The following SND1 variants were observed in gnomAD, a reference collection of about 807,000 sequenced individuals.
SND1 encodes the protein staphylococcal nuclease domain-containing protein 1.
SND1 carries 38 observed loss-of-function variants against 121.7 expected under a neutral mutation model. The observed-to-expected ratio is 0.31, with a 90% CI of 0.24 to 0.41. SND1 has a LOEUF of 0.41. SND1 is among the 10% of genes least tolerant of loss of function. The pLI, the probability that SND1 is intolerant of heterozygous loss-of-function variation, is 1.00. For missense variants in SND1, 868 were observed against 1,184.6 expected (o/e 0.73, Z 3.92); for synonymous variants, 401 against 447.4 (o/e 0.90, Z 1.31).
In SND1 at chr7:128,044,188, C is replaced by T. The variant is rs2117011035; in HGVS notation, c.1780-30314C>T. 1.3e-5 allele frequency among the ~76,000 whole-genome samples: 2 copies of T among 152,332 alleles called. 1 individual carries two copies. Among genetic ancestry groups the T allele is most frequent in the South Asian group, 4.1e-4 (2 of 4,828 alleles). On this transcript the variant is annotated intron_variant, in intron 16 of 23. Transcript: ENST00000354725. ...CGAGAGTTTTCTCCAGACCCACCTC[C>T]TATCTAAAGTGTCCTGTCGCCACAC...
chr7:127,857,183 CTTTTTTTTTTT>C (rs71522259), intron 12 of SND1, among the ~76,000 whole-genome samples: 12 of 67,944 alleles, frequency 1.8e-4, no homozygotes, highest in Admixed American at 3.9e-4. Context: ...AATGTCAACA[CTTTTTTTTTTT>C]TTTTTTTTTT....
chr7:128,081,468 G>A lies in SND1; in HGVS notation c.2077G>A (p.Asp693Asn). ...KPVFVTEITD[D>N]LHFYVQDVET... ...CGTGTTTGTGACTGAGATCACTGAT[G>A]ACCTGCACTTCTACGTGCAGGATGT... Residue 693 changes from aspartate to asparagine, a missense_variant, in exon 18 of 24, where the codon GAC (aspartate) becomes AAC (asparagine). Around this residue, in one of 2 missense-constraint regions of SND1, gnomAD observed 743 missense variants for 1,071.3 expected, o/e 0.69. Coordinates refer to ENST00000354725, the MANE Select transcript of SND1 (RefSeq NM_014390.4). 6.2e-7 allele frequency: 1 copy of A among 1,614,152 alleles called. No individual in the cohort carries two copies. The highest frequency in any genetic ancestry group is 8.5e-7 in the Non-Finnish European group (1 of 1,180,022).
intron 15 of SND1, among the ~76,000 whole-genome samples, chr7:127,964,314 C>T (rs1461229380): frequency 6.1e-5 from 9 of 147,438 alleles, no homozygotes; most frequent in Non-Finnish European, 1.2e-4. Context: ...GTGTTTTGGA[C>T]ATGAAGTCCT....
intron 10 of SND1, among the ~76,000 whole-genome samples, chr7:127,748,881 G>T (rs1797027099): frequency 6.6e-6 from 1 of 152,000 alleles, no homozygotes; most frequent in Non-Finnish European, 1.5e-5. Flanking sequence ...TCCAAACCTT[G>T]AGTATAGACT....
chr7:128,043,887 C>T (rs1171684286), intron 16 of SND1, among the ~76,000 whole-genome samples: 1 of 143,424 alleles, frequency 7.0e-6, no homozygotes, highest in Non-Finnish European at 1.5e-5. Context: ...CACACACACA[C>T]ACGTAATAAA....
chr7:128,009,956 G>A (rs755832348), intron 16 of SND1, among the ~76,000 whole-genome samples: 1 of 152,132 alleles, frequency 6.6e-6, no homozygotes, highest in African/African-American at 2.4e-5. Context: ...AATACCAAGT[G>A]TTTCCCACTC....
In SND1 at chr7:127,922,175, CTTTTTTT is replaced by C. The variant is rs1158535023; in HGVS notation, c.1528-6991_1528-6985del. 4.0e-4 allele frequency among the ~76,000 whole-genome samples: 23 copies of C among 57,176 alleles called. 2 individuals carry two copies. The highest frequency in any genetic ancestry group is 4.3e-4 in the East Asian group (1 of 2,302). 37.5% of individuals were successfully genotyped at this position (57,176 alleles called of 152,430 possible). A position where few individuals can be genotyped will look rare whatever the true frequency, so the allele number is the denominator to read the frequency against. ...CCAGCTGATTTTCTTTTTTTCTTTCCTTTTTTTTTTTTTTTTTTTTTTTTTTTTGTTT... is the reference window on the plus strand; with the variant it reads ...CCAGCTGATTTTCTTTTTTTCTTTCCTTTTTTTTTTTTTTTTTTTTTGTTT... On this transcript the variant is annotated intron_variant, in intron 14 of 23. Transcript: ENST00000354725.
At chr7:127,706,601 A>C (rs967492384) in intron 8 of SND1, among the ~76,000 whole-genome samples, 1 of 152,160 alleles carries the variant, frequency 6.6e-6, no homozygotes, top group Non-Finnish European at 1.5e-5. Flanking sequence ...CAATGAAAAT[A>C]ATATCTACAT....
intron 15 of SND1, among the ~76,000 whole-genome samples, chr7:127,969,105 T>A (rs1026213091): frequency 6.6e-6 from 1 of 152,174 alleles, no homozygotes; most frequent in African/African-American, 2.4e-5. Context: ...TTCCTTTGCC[T>A]GGAGTTTTGA....
chr7:127,905,856 TGCCTTGG>T (rs1302371186), intron 14 of SND1, among the ~76,000 whole-genome samples: 1 of 152,164 alleles, frequency 6.6e-6, no homozygotes, highest in Admixed American at 6.6e-5. Flanking sequence ...TCAGGGAATT[TGCCTTGG>T]GCCCTGAGAA....
chr7:127,901,560 C>T (rs1486618497), intron 13 of SND1, among the ~76,000 whole-genome samples: 4 of 152,120 alleles, frequency 2.6e-5, no homozygotes, highest in African/African-American at 4.8e-5. Context: ...GCTCTTTTCT[C>T]ACAGATCCCT....
intron 10 of SND1, among the ~76,000 whole-genome samples, chr7:127,764,053 CAAA>C (rs1249166503): frequency 1.5e-5 from 2 of 130,618 alleles, no homozygotes; most frequent in Non-Finnish European, 3.2e-5. Context: ...AAAAAAAAAA[CAAA>C]AAAACAAAAA....
Position 127,844,378 on chromosome 7 carries a change from C to A in SND1, c.1297C>A (p.Pro433Thr). The stretch of plus-strand genomic sequence containing the variant: ...AGCCAGCCCAGCCACAGAGACAGTG[C>A]CTGCCTTTTCAGAGCGTACCTGTGC... The part of the protein sequence containing the change: ...RPASPATETV[P>T]AFSERTCATV... The change falls in exon 12 of 24, where the codon CCT (proline) becomes ACT (threonine). Residue 433 changes from proline to threonine, a missense_variant. Physicochemically the swap from Pro to Thr is conservative, Grantham distance 38. Coordinates refer to ENST00000354725, the MANE Select transcript of SND1 (RefSeq NM_014390.4). The A allele has an allele frequency of 2.5e-6, 4 of 1,613,714 alleles. No homozygotes were observed. The highest frequency in any genetic ancestry group is 3.4e-6 in the Non-Finnish European group (4 of 1,179,774).
chr7:127,701,389 C>A (rs943175205), intron 5 of SND1, 66 bp downstream of exon 5: 4 of 1,520,858 alleles, frequency 2.6e-6, no homozygotes, highest in Non-Finnish European at 3.6e-6. Flanking sequence ...CTCTTTGCTT[C>A]TTGAGGTTTG....
rs1802510835 is a variant in SND1, at chr7:127,991,001, A to C, written c.1724A>C (p.Glu575Ala). The C allele has an allele frequency of 1.2e-6, 2 of 1,613,906 alleles. No homozygotes were observed. Among genetic ancestry groups the C allele is most frequent in the African/African-American group, 2.7e-5 (2 of 74,916 alleles). Residue 575 changes from glutamate (E) to alanine (A), a missense_variant, in exon 16 of 24, where the codon GAG becomes GCG. Physicochemically the swap from Glu to Ala is moderately radical, Grantham distance 107. This residue lies in a region of SND1 where 743 missense variants were observed against 1,071.3 expected (regional missense o/e 0.69). Coordinates refer to ENST00000354725, the MANE Select transcript of SND1 (RefSeq NM_014390.4). ...RNLPGLVQEG[E>A]PFSEEATLFT... ...CTCCCAGGCTTGGTGCAGGAAGGAG[A>C]GCCCTTCAGCGAGGAAGCTACACTT...
chr7:127,672,718 T>A (rs1795543724), intron 1 of SND1, among the ~76,000 whole-genome samples: 1 of 152,310 alleles, frequency 6.6e-6, no homozygotes, highest in East Asian at 1.9e-4. Context: ...ACCTATTAGC[T>A]GTCATGTCTC....
chr7:127,857,602 G>A (rs1278860639), intron 12 of SND1, among the ~76,000 whole-genome samples: 2 of 151,850 alleles, frequency 1.3e-5, no homozygotes, highest in Non-Finnish European at 2.9e-5. Flanking sequence ...ACCCCTGACA[G>A]GCACCTCCAA....
chr7:127,801,591 A>G (rs551507870), intron 10 of SND1, among the ~76,000 whole-genome samples: 109 of 152,278 alleles, frequency 7.2e-4, no homozygotes, highest in African/African-American at 2.4e-3. Context: ...TGGCATGGAC[A>G]TTGCTTTAGC....
chr7:127,937,616 CTG>C (rs1346074389), intron 15 of SND1, among the ~76,000 whole-genome samples: 1 of 152,198 alleles, frequency 6.6e-6, no homozygotes, highest in Non-Finnish European at 1.5e-5. Flanking sequence ...AAAGGTTTGG[CTG>C]TGTGTCCTTT....
Sources: allele counts gnomAD v4.1 joint callset (sites outside exome capture counted in the v4.1 genomes callset), GRCh38; gene constraint gnomAD v4.1.1; regional missense constraint gnomAD v4.1.1; transcripts MANE v1.5; gene names NCBI Gene and HGNC (gene_info 2026-07-23, HGNC 2026-07-21).